TLE6: variants seen among roughly 807,000 people sequenced by gnomAD.
The protein encoded by TLE6 is TLE family member 6, subcortical maternal complex member.
A neutral mutation model predicts 77.1 loss-of-function variants in TLE6; 72 were observed. The ratio of observed to expected loss-of-function variants is 0.93; its 90% CI spans 0.77 to 1.14. The LOEUF (loss-of-function observed/expected upper bound fraction) is 1.14, where lower values mean the gene tolerates loss of function less well. Ranked by LOEUF, TLE6 falls within the 50% of genes most tolerant of loss-of-function variation. The pLI is 0.00. For missense variants in TLE6, 843 were observed against 747.6 expected (o/e 1.13, Z -1.49); for synonymous variants, 366 against 287.3 (o/e 1.27, Z -2.77).
chr19:2,980,343 C>T, intron 3 of TLE6, 161 bp downstream of exon 3: 1 of 488,226 alleles, frequency 2.0e-6, no homozygotes, highest in African/African-American at 2.0e-5. Flanking sequence ...CCCGGCAATA[C>T]CCATCCCAGC....
intron 2 of TLE6, 58 bp downstream of exon 2, chr19:2,978,342 C>G: frequency 1.3e-6 from 2 of 1,534,376 alleles, no homozygotes. Context: ...CAATGTGGTT[C>G]TGCCCCTTTT....
intron 12 of TLE6, 81 bp downstream of exon 12, chr19:2,989,394 C>A (rs895925797): frequency 2.5e-6 from 4 of 1,588,704 alleles, no homozygotes; most frequent in African/African-American, 1.3e-5. Flanking sequence ...GAGCCCAGAT[C>A]GTGGAGAGAG....
chr19:2,994,728 CAGG>C (rs1231462740), intron 16 of TLE6, among the ~76,000 whole-genome samples, 169 bp from the exon 17 acceptor site: 1 of 152,092 alleles, frequency 6.6e-6, no homozygotes. Flanking sequence ...TGTGTGAGTC[CAGG>C]AGGTCGAGGC....
intron 2 of TLE6, 121 bp downstream of exon 2, chr19:2,978,405 T>G: frequency 1.1e-6 from 1 of 944,752 alleles, no homozygotes; most frequent in Non-Finnish European, 1.6e-6. Flanking sequence ...AAGACAATAC[T>G]GGTCGCTGCT....
intron 2 of TLE6, among the ~76,000 whole-genome samples, chr19:2,979,807 CGGGGGCGGGCGGGGGAG>C (rs2088758035): frequency 5.0e-5 from 2 of 39,758 alleles, no homozygotes; most frequent in East Asian, 1.2e-3. Flanking sequence ...GGTGTGTTGC[CGGGGGCGGGCGGGGGAG>C]GGGGGCGCGG....
At chr19:2,984,582 C>G (rs1420033266) in intron 5 of TLE6, among the ~76,000 whole-genome samples, 3 of 152,138 alleles carry the variant, frequency 2.0e-5, no homozygotes, top group Non-Finnish European at 2.9e-5. Flanking sequence ...ATTCTCCTGC[C>G]TCAGCCTCCC....
chr19:2,979,774 A>G (rs977387432), intron 2 of TLE6, among the ~76,000 whole-genome samples: 3 of 147,058 alleles, frequency 2.0e-5, no homozygotes, highest in Admixed American at 1.4e-4. Flanking sequence ...CCCCATCTCT[A>G]CTAAAAATAC....
intron 5 of TLE6, among the ~76,000 whole-genome samples, chr19:2,984,764 G>A (rs541234406): frequency 6.6e-6 from 1 of 152,058 alleles, no homozygotes; most frequent in South Asian, 2.1e-4. Flanking sequence ...CATCGCACCT[G>A]GCCAATTTCT....
In TLE6 at chr19:2,987,126, G is replaced by C. The variant is rs2088930124; in HGVS notation, c.429G>C (p.Glu143Asp). The C allele has an allele frequency of 2.5e-6, 4 of 1,613,982 alleles. No homozygotes were observed. Among genetic ancestry groups the C allele is most frequent in the African/African-American group, 1.3e-5 (1 of 74,932 alleles). Residue 143 changes from glutamate (E) to aspartate (D), a missense_variant, in exon 7 of 17, where the codon GAG becomes GAC. Transcript: ENST00000246112. ...CTTTGGGGGAGGACAATCAGCCGGA[G>C]ACCCAGCTGTTCTGGGACAAGGAGC... The part of the protein sequence containing the change: ...RRPLGEDNQP[E>D]TQLFWDKEPW...
intron 5 of TLE6, among the ~76,000 whole-genome samples, chr19:2,985,962 T>C (rs886752574): frequency 1.3e-5 from 2 of 149,006 alleles, no homozygotes; most frequent in Non-Finnish European, 3.0e-5. Context: ...GTAATCCAGC[T>C]ACTTGGGAGG....
Position 2,991,950 on chromosome 19 carries a change from T to C in TLE6, c.1352T>C (p.Ile451Thr), listed in dbSNP as rs1219893276. ...CTGCGGTGCTGGGACCAGAGGACCATCATGAAACCTCTGGAGTACCAATTC... is the reference window on the plus strand; with the variant it reads ...CTGCGGTGCTGGGACCAGAGGACCACCATGAAACCTCTGGAGTACCAATTC... ...ACLRCWDQRT[I>T]MKPLEYQFKS... is the part of the protein sequence containing the mutation. Residue 451 changes from isoleucine to threonine, a missense_variant, in exon 14 of 17, where the codon ATC becomes ACC. Transcript: ENST00000246112. 3 of 1,613,680 alleles carry C rather than the reference T, an allele frequency of 1.9e-6. No homozygotes were observed. The highest frequency in any genetic ancestry group is 2.5e-6 in the Non-Finnish European group (3 of 1,179,978).
upstream of TLE6, chr19:2,977,487 T>C: frequency 8.0e-6 from 1 of 125,626 alleles, no homozygotes; most frequent in East Asian, 2.6e-4. Context: ...GGGTGGGGCC[T>C]GGGCGGGACG....
intron 14 of TLE6, among the ~76,000 whole-genome samples, chr19:2,993,079 C>T (rs1022138815): frequency 7.5e-5 from 11 of 147,048 alleles, no homozygotes; most frequent in African/African-American, 2.0e-4. Context: ...GGCATGGTGG[C>T]GCATGCCTGT....
chr19:2,987,489 T>C (rs1392115743), intron 8 of TLE6, 117 bp downstream of exon 8: 6 of 1,458,956 alleles, frequency 4.1e-6, no homozygotes, highest in East Asian at 2.3e-5. Flanking sequence ...ATCCTGCCCC[T>C]CGGGTCCCCC....
chr19:2,993,540 CA>C lies in TLE6; in HGVS notation c.1500del (p.Asp501ThrfsTer5). On this transcript the variant is annotated frameshift_variant, in exon 15 of 17. Coordinates refer to ENST00000246112, the MANE Select transcript of TLE6 (RefSeq NM_001143986.2). LOFTEE classifies it high-confidence loss of function. The stretch of plus-strand genomic sequence containing the variant: ...CGGGAGCCAGCGGCACATGGTGGGG[CA>C]AAAAGACAGCGTCATCCTGAGCGTC... ...TSGSQRHMVG[Q>X]KDSVILSVKF... 6.3e-7 allele frequency: 1 copy of C among 1,586,872 alleles called. No individual in the cohort carries two copies. Among genetic ancestry groups the C allele is most frequent in the Non-Finnish European group, 8.6e-7 (1 of 1,160,746 alleles).
intron 11 of TLE6, 102 bp downstream of exon 11, chr19:2,988,230 A>G: frequency 5.6e-6 from 7 of 1,246,436 alleles, no homozygotes; most frequent in Non-Finnish European, 7.9e-6. Flanking sequence ...ACAGAGGTGT[A>G]AGACTTTCTT....
At chr19:2,977,469 T>G (rs1027067674), upstream of TLE6, 19 of 133,686 alleles carry the variant, frequency 1.4e-4, no homozygotes, top group African/African-American at 4.9e-4. Context: ...GCGGTCCAGG[T>G]GGCGGCTGGG....
At position 2,989,269 on chromosome 19, in the gene TLE6, C is replaced by T. The variant is rs2088986999; in HGVS notation, c.949C>T (p.Gln317Ter). The change falls in exon 12 of 17, where the codon CAG becomes TAG. Residue 317 changes from glutamine (Q) to a stop codon, truncating the protein, a stop_gained. Coordinates refer to ENST00000246112, the MANE Select transcript of TLE6 (RefSeq NM_001143986.2). LOFTEE classifies it high-confidence loss of function. ...CATCAAGGTGTGGAGCCTGACTGGA[C>T]AGGTGGCTGAGGACAGGTTCCCTGA... ...RGIKVWSLTG[Q>*]VAEDRFPESH... The T allele has an allele frequency of 1.2e-6, 2 of 1,613,562 alleles. No homozygotes were observed. The highest frequency in any genetic ancestry group is 1.7e-6 in the Non-Finnish European group (2 of 1,180,044).
intron 5 of TLE6, among the ~76,000 whole-genome samples, chr19:2,982,537 A>G (rs2088820137): frequency 7.4e-6 from 1 of 134,702 alleles, no homozygotes; most frequent in Non-Finnish European, 1.5e-5. Flanking sequence ...CTCTGTCTCA[A>G]AAAAAAAAAA....
Sources: gnomAD v4.1 joint callset for allele counts (sites outside exome capture counted in the v4.1 genomes callset) on GRCh38, gnomAD v4.1.1 for gene constraint, MANE v1.5 for transcripts, NCBI Gene and HGNC (gene_info 2026-07-23, HGNC 2026-07-21) for gene names.